The following MYT1L variants were observed in gnomAD, a reference collection of about 807,000 sequenced individuals.
The protein encoded by MYT1L is myelin transcription factor 1 like.
In MYT1L, 12 loss-of-function variants were observed where a neutral mutation model predicts 126.7. The observed-to-expected ratio is 0.09, with a 90% CI of 0.06 to 0.15. MYT1L has a LOEUF of 0.15. Ranked by LOEUF, MYT1L falls within the 10% of genes least tolerant of loss-of-function variation. The pLI, the probability that MYT1L is intolerant of heterozygous loss-of-function variation, is 1.00. For synonymous variants in MYT1L, 541 were observed against 604.2 expected (o/e 0.90, Z 1.53); for missense variants, 979 against 1,585.2 (o/e 0.62, Z 6.49).
chr2:2,110,862 G>C (rs919694095), intron 3 of MYT1L, among the ~76,000 whole-genome samples: 1 of 152,160 alleles, frequency 6.6e-6, no homozygotes. Context: ...GTGAGTGCTG[G>C]TGTGAACAGC....
rs576367647 is a variant in MYT1L, at chr2:2,064,926, CT to C, written c.-303-10804del. 3.7e-4 allele frequency among the ~76,000 whole-genome samples: 56 copies of C among 152,280 alleles called. No individual in the cohort carries two copies. The South Asian group carries it at 0.012, about 32-fold the overall frequency. On this transcript the variant is annotated intron_variant, in intron 3 of 24. Transcript: ENST00000647738. ...ATGAGTGTATGACCAGGTACAGTGACTCTTGTGCCTGCCTGAAATCCCAGCA... is the reference window on the plus strand; with the variant it reads ...ATGAGTGTATGACCAGGTACAGTGACCTTGTGCCTGCCTGAAATCCCAGCA...
chr2:1,826,249 C>T (rs1010919753), intron 21 of MYT1L, among the ~76,000 whole-genome samples: 5 of 152,204 alleles, frequency 3.3e-5, no homozygotes, highest in African/African-American at 1.2e-4. Flanking sequence ...ACTAGAAGAC[C>T]GGCACGGTGC....
intron 9 of MYT1L, among the ~76,000 whole-genome samples, chr2:1,938,329 T>C (rs2056244293): frequency 6.6e-6 from 1 of 152,218 alleles, no homozygotes; most frequent in African/African-American, 2.4e-5. Context: ...AAAATATTTA[T>C]CATAACATAA....
At chr2:1,899,778 AGT>A (rs1035803531) in intron 14 of MYT1L, among the ~76,000 whole-genome samples, 1 of 152,234 alleles carries the variant, frequency 6.6e-6, no homozygotes, top group African/African-American at 2.4e-5. Context: ...ACTGGGCAGC[AGT>A]GTGTGTTTCA....
chr2:2,036,655 T>G (rs2066888225), intron 4 of MYT1L, among the ~76,000 whole-genome samples: 1 of 152,260 alleles, frequency 6.6e-6, no homozygotes, highest in South Asian at 2.1e-4. Context: ...AAAACATATC[T>G]TGAATTCTTT....
At chr2:1,985,212 T>C (rs1464744124) in intron 5 of MYT1L, among the ~76,000 whole-genome samples, 1 of 152,224 alleles carries the variant, frequency 6.6e-6, no homozygotes, top group African/African-American at 2.4e-5. Flanking sequence ...TCAATTCGCT[T>C]GGTCAATTCT....
chr2:1,863,772 T>C (rs548159554), intron 18 of MYT1L, among the ~76,000 whole-genome samples: 33 of 148,478 alleles, frequency 2.2e-4, no homozygotes, highest in African/African-American at 6.6e-4. Flanking sequence ...TTTGGGGGGA[T>C]AGTTAGCTCA....
intron 2 of MYT1L, among the ~76,000 whole-genome samples, chr2:2,215,158 AG>A (rs1380566331): frequency 6.6e-6 from 1 of 152,216 alleles, no homozygotes; most frequent in Non-Finnish European, 1.5e-5. Context: ...AAGGAAATAA[AG>A]AACAGATGGG....
rs2095610936 is a variant in MYT1L, at chr2:2,292,264, C to G, written c.-520-7761G>C. 2.0e-5 allele frequency among the ~76,000 whole-genome samples: 3 copies of G among 152,176 alleles called. No individual in the cohort carries two copies. In the South Asian group the frequency reaches 6.2e-4, roughly 32 times the overall value. ...TGAAGGCTGCCCTGCTCAGCCTCTC[C>G]TGAAGCTGAGTCGGTGCCGCTCAGG... On this transcript the variant is annotated intron_variant, in intron 1 of 24. Coordinates refer to ENST00000647738, the MANE Select transcript of MYT1L (RefSeq NM_001303052.2).
chr2:2,282,484 T>C (rs1292513689), intron 2 of MYT1L, among the ~76,000 whole-genome samples: 1 of 152,186 alleles, frequency 6.6e-6, no homozygotes, highest in Non-Finnish European at 1.5e-5. Flanking sequence ...GCAGAGAACA[T>C]GCAGTGATAG....
chr2:1,857,656 A>G (rs550010599), intron 18 of MYT1L, among the ~76,000 whole-genome samples: 6 of 152,320 alleles, frequency 3.9e-5, no homozygotes, highest in Non-Finnish European at 8.8e-5. Flanking sequence ...AATAACAAAA[A>G]TGTATAATCA....
chr2:2,251,991 T>G (rs1004353007), intron 2 of MYT1L, among the ~76,000 whole-genome samples: 4 of 151,958 alleles, frequency 2.6e-5, no homozygotes, highest in Non-Finnish European at 5.9e-5. Context: ...ACAGCAGGCA[T>G]CTAAAAAATA....
chr2:2,022,422 T>C (rs528538339), intron 4 of MYT1L, among the ~76,000 whole-genome samples: 13 of 152,324 alleles, frequency 8.5e-5, no homozygotes, highest in Admixed American at 4.6e-4. Flanking sequence ...GGCTCAGAGT[T>C]CCACAGCATT....
chr2:2,236,883 G>A (rs143929672), intron 2 of MYT1L, among the ~76,000 whole-genome samples: 176 of 148,546 alleles, frequency 1.2e-3, no homozygotes, highest in African/African-American at 3.9e-3. Flanking sequence ...GCGTGATCTC[G>A]GCTCACTGTA....
intron 19 of MYT1L, chr2:1,843,012 C>G (rs951833870): frequency 1.9e-5 from 3 of 153,962 alleles, no homozygotes; most frequent in African/African-American, 7.2e-5. Flanking sequence ...CAGGCCAGCG[C>G]TTTAGCATCA....
At position 1,793,710 on chromosome 2, in the gene MYT1L, T is replaced by G. The variant is rs1249888852; in HGVS notation, c.3277-1246A>C. On this transcript the variant is annotated intron_variant, in intron 23 of 24. Transcript: ENST00000647738. The surrounding 1 kb of genome is among the most constrained non-coding windows in gnomAD (Gnocchi z 4.6). ...AAGGAATCGCAGCCCCCACCATTCCTGCAGGGACGGTCCCCTGTGGAGAAC... is the reference window on the plus strand; with the variant it reads ...AAGGAATCGCAGCCCCCACCATTCCGGCAGGGACGGTCCCCTGTGGAGAAC... Among the ~76,000 whole-genome samples the G allele has an allele frequency of 1.3e-5, 2 of 152,190 alleles. No individual in the cohort carries two copies. Among genetic ancestry groups the G allele is most frequent in the Admixed American group, 6.5e-5 (1 of 15,286 alleles).
chr2:1,890,034 G>GA (rs1201439174), intron 15 of MYT1L, among the ~76,000 whole-genome samples: 1 of 151,486 alleles, frequency 6.6e-6, no homozygotes, highest in Non-Finnish European at 1.5e-5. Flanking sequence ...ATGAAGGAAG[G>GA]AAAGAGAATA....
In MYT1L at chr2:1,806,200, A is replaced by G. The variant is rs1330662995; in HGVS notation, c.3172+2876T>C. On this transcript the variant is annotated intron_variant, in intron 22 of 24. Transcript: ENST00000647738. The surrounding 1 kb of genome is among the most constrained non-coding windows in gnomAD (Gnocchi z 4.9). ...AAAGAACTATCTCAGTTTGGTGCAAACAGTGTCAGGAATCGACAGCCCCAG... is the reference window on the plus strand; with the variant it reads ...AAAGAACTATCTCAGTTTGGTGCAAGCAGTGTCAGGAATCGACAGCCCCAG... Among the ~76,000 whole-genome samples, 1 of 152,172 alleles carries G rather than the reference A, an allele frequency of 6.6e-6. No homozygotes were observed. Among genetic ancestry groups the G allele is most frequent in the East Asian group, 1.9e-4 (1 of 5,186 alleles).
Position 1,937,305 on chromosome 2 carries a change from G to A in MYT1L, c.505+5677C>T, listed in dbSNP as rs1260156372. On this transcript the variant is annotated intron_variant, in intron 9 of 24. Coordinates refer to ENST00000647738, the MANE Select transcript of MYT1L (RefSeq NM_001303052.2). ...CATCAAGAAGTTCCTAACGTCCGCG[G>A]CCATCAGATCGCACATCAAGAAGGT... is the stretch of plus-strand genomic sequence containing the variant. Among the ~76,000 whole-genome samples, 2 of 152,226 alleles carry A rather than the reference G, an allele frequency of 1.3e-5. 1 individual carries two copies. The highest frequency in any genetic ancestry group is 4.8e-5 in the African/African-American group (2 of 41,464).
Sources: gnomAD v4.1 joint callset for allele counts (sites outside exome capture counted in the v4.1 genomes callset) on GRCh38, gnomAD v4.1.1 for gene constraint, Gnocchi (gnomAD v3.1) non-coding constraint, MANE v1.5 for transcripts, NCBI Gene and HGNC (gene_info 2026-07-23, HGNC 2026-07-21) for gene names.